POM121: variants seen among roughly 807,000 people sequenced by gnomAD.
The protein encoded by POM121 is POM121 transmembrane nucleoporin.
A neutral mutation model predicts 81.3 loss-of-function variants in POM121; 32 were observed. That is an observed-to-expected ratio of 0.39 (90% CI 0.30 to 0.53). The LOEUF is 0.53. Among genes scored for constraint, POM121 ranks in the 20% least tolerant of loss-of-function variants. POM121 has a pLI of 0.66. For synonymous variants in POM121, 514 were observed against 694.2 expected (o/e 0.74, Z 4.08); for missense variants, 1,138 against 1,614.6 (o/e 0.70, Z 5.06).
chr7:72,905,013 G>GA (rs1554493203), intron 3 of POM121, among the ~76,000 whole-genome samples: 2 of 152,158 alleles, frequency 1.3e-5, no homozygotes, highest in African/African-American at 4.8e-5. Context: ...GACCCCTGGG[G>GA]ATTACAATTC....
At chr7:72,889,510 CTT>C (rs1344309439) in intron 1 of POM121, among the ~76,000 whole-genome samples, 37 of 143,430 alleles carry the variant, frequency 2.6e-4, no homozygotes, top group Admixed American at 4.2e-4. Flanking sequence ...TTGCATTTTT[CTT>C]TTTTTTTTTT....
intron 1 of POM121, among the ~76,000 whole-genome samples, chr7:72,882,137 A>C (rs1790219597): frequency 1.3e-5 from 2 of 152,190 alleles, no homozygotes; most frequent in African/African-American, 4.8e-5. Context: ...GTCCATTCTC[A>C]CACTGCTATA....
chr7:72,884,767 A>G (rs1426339654), intron 1 of POM121, among the ~76,000 whole-genome samples: 2 of 149,686 alleles, frequency 1.3e-5, no homozygotes, highest in Non-Finnish European at 3.0e-5. Flanking sequence ...ATTTATATAT[A>G]TATATTTTTT....
intron 5 of POM121, among the ~76,000 whole-genome samples, chr7:72,934,665 T>C (rs1263499838): frequency 1.3e-5 from 2 of 152,202 alleles, no homozygotes; most frequent in African/African-American, 4.8e-5. Flanking sequence ...GTATATGGTG[T>C]GAGGTTGGAA....
At chr7:72,944,466 T>C (rs1261680876) in intron 11 of POM121, among the ~76,000 whole-genome samples, 5 of 151,862 alleles carry the variant, frequency 3.3e-5, no homozygotes, top group Non-Finnish European at 7.4e-5. Flanking sequence ...AGGAACATCA[T>C]ATTAAAAAGT....
At chr7:72,891,344 A>G (rs1235098757) in intron 3 of POM121, among the ~76,000 whole-genome samples, 1 of 152,078 alleles carries the variant, frequency 6.6e-6, no homozygotes, top group Non-Finnish European at 1.5e-5. Flanking sequence ...CTCTTCCTCC[A>G]GCATTATCGG....
At chr7:72,911,323 A>C (rs1793781041) in intron 3 of POM121, among the ~76,000 whole-genome samples, 1 of 152,242 alleles carries the variant, frequency 6.6e-6, no homozygotes, top group Admixed American at 6.5e-5. Flanking sequence ...TTGTAATTAG[A>C]AGAGAAATGT....
chr7:72,945,191 G>C (rs1797549811), intron 11 of POM121, among the ~76,000 whole-genome samples: 1 of 152,180 alleles, frequency 6.6e-6, no homozygotes, highest in African/African-American at 2.4e-5. Context: ...AAAGACGCGG[G>C]ACGGACAAAC....
intron 3 of POM121, among the ~76,000 whole-genome samples, chr7:72,891,429 C>T (rs372713972): frequency 8.5e-5 from 13 of 152,190 alleles, no homozygotes; most frequent in African/African-American, 2.2e-4. Flanking sequence ...TTTTTGGAGA[C>T]GGAGTCTTGT....
intron 6 of POM121, among the ~76,000 whole-genome samples, chr7:72,939,083 G>C (rs1295600591): frequency 5.3e-5 from 8 of 152,334 alleles, no homozygotes; most frequent in African/African-American, 1.7e-4. Context: ...GGACTTGATA[G>C]GTTGTAAGTA....
In POM121 at chr7:72,928,461, C is replaced by A; in HGVS notation, c.1099C>A (p.Pro367Thr). 1 of 1,613,884 alleles carries A rather than the reference C, an allele frequency of 6.2e-7. No homozygotes were observed. The change falls in exon 4 of 13, where the codon CCT becomes ACT. Residue 367 changes from proline (P) to threonine (T), a missense_variant. Coordinates refer to ENST00000434423, the MANE Select transcript of POM121 (RefSeq NM_001387691.1). ...CAATGGAGTCCCCGCTTCTTTTGTG[C>A]CTAAGTAAGTGGGAGTCCATCCGGA... ...VANGVPASFV[P>T]KPGSLKRGLN... is the part of the protein sequence containing the mutation.
Position 72,946,769 on chromosome 7 carries a change from TC to T in POM121, c.*537del, listed in dbSNP as rs1351491878. ...TCTTGCTGCTGTGTCCCTCACCAGT[TC>T]CTTGCAGGATTCCTTCGTTTTTAAA... On this transcript the variant is annotated 3_prime_UTR_variant, in exon 13 of 13. Transcript: ENST00000434423. 1.3e-6 allele frequency: 1 copy of T among 797,292 alleles called. No homozygotes were observed. The highest frequency in any genetic ancestry group is 1.5e-6 in the Non-Finnish European group (1 of 673,292). 49.4% of individuals were successfully genotyped at this position (797,292 alleles called of 1,614,324 possible). A position where few individuals can be genotyped will look rare whatever the true frequency, so the allele number is the denominator to read the frequency against.
upstream of POM121, among the ~76,000 whole-genome samples, chr7:72,921,419 TGCCATTTCA>T (rs1282026194): frequency 3.3e-5 from 5 of 152,178 alleles, no homozygotes; most frequent in East Asian, 1.9e-4. Context: ...CCCATTTCTC[TGCCATTTCA>T]GCCATCTCAG....
chr7:72,917,787 C>T (rs1354691640), intron 4 of POM121, among the ~76,000 whole-genome samples: 7 of 152,138 alleles, frequency 4.6e-5, no homozygotes, highest in Non-Finnish European at 7.4e-5. Flanking sequence ...CAGCTGGGCC[C>T]GGGGGACCAC....
downstream of POM121, chr7:72,948,859 C>T (rs368252849): frequency 1.5e-5 from 24 of 1,589,340 alleles, no homozygotes; most frequent in African/African-American, 2.3e-4. Context: ...TCACCCCATC[C>T]CCCCCTCCAC....
At chr7:72,917,366 C>T (rs1794382034) in intron 4 of POM121, among the ~76,000 whole-genome samples, 1 of 152,168 alleles carries the variant, frequency 6.6e-6, no homozygotes, top group Non-Finnish European at 1.5e-5. Flanking sequence ...GTAATCAGGC[C>T]AAGGTGAAAG....
intron 3 of POM121, among the ~76,000 whole-genome samples, chr7:72,903,448 A>G (rs1180558012): frequency 6.6e-6 from 1 of 152,178 alleles, no homozygotes; most frequent in Non-Finnish European, 1.5e-5. Flanking sequence ...AAAAAAGAAA[A>G]TCAGATATTT....
In POM121 at chr7:72,930,011, C is replaced by G; in HGVS notation, c.1175C>G (p.Ser392Cys). Residue 392 changes from serine (S) to cysteine (C), a missense_variant, in exon 5 of 13, where the codon TCT becomes TGT. Coordinates refer to ENST00000434423, the MANE Select transcript of POM121 (RefSeq NM_001387691.1). ...DDHLNKRSRSSSMSSLTGAYA... is the reference protein window; with the variant it reads ...DDHLNKRSRSCSMSSLTGAYA... ...CACTTGAATAAGAGATCCCGAAGCTCTTCCATGAGCTCCTTGACAGGCGCT... is the reference window on the plus strand; with the variant it reads ...CACTTGAATAAGAGATCCCGAAGCTGTTCCATGAGCTCCTTGACAGGCGCT... The G allele has an allele frequency of 6.2e-7, 1 of 1,614,010 alleles. No homozygotes were observed. The highest frequency in any genetic ancestry group is 8.5e-7 in the Non-Finnish European group (1 of 1,179,860).
At chr7:72,891,615 C>G (rs1386389195) in intron 3 of POM121, among the ~76,000 whole-genome samples, 1 of 152,182 alleles carries the variant, frequency 6.6e-6, no homozygotes, top group Non-Finnish European at 1.5e-5. Flanking sequence ...CCATGTTGGC[C>G]ATGCTGGTCT....
Sources: allele counts gnomAD v4.1 joint callset (sites outside exome capture counted in the v4.1 genomes callset), GRCh38; gene constraint gnomAD v4.1.1; transcripts MANE v1.5; gene names NCBI Gene and HGNC (gene_info 2026-07-23, HGNC 2026-07-21).